The following USP6NL variants were observed in gnomAD, a reference collection of about 807,000 sequenced individuals.
USP6NL encodes the protein USP6 N-terminal like, also known as USP6 N-terminal-like protein.
A neutral mutation model predicts 61.9 loss-of-function variants in USP6NL; 26 were observed. The observed-to-expected ratio is 0.42, with a 90% CI of 0.31 to 0.58. The LOEUF is 0.58. Ranked by LOEUF, USP6NL falls within the 20% of genes least tolerant of loss-of-function variation. The probability of loss-of-function intolerance (pLI) is 0.16; values close to 1 mark genes in which losing one functional copy is unlikely to be tolerated. For synonymous variants in USP6NL, 432 were observed against 390.1 expected (o/e 1.11, Z -1.27); for missense variants, 1,114 against 1,034.3 (o/e 1.08, Z -1.06).
At chr10:11,581,347 C>G (rs568482754) in intron 2 of USP6NL, among the ~76,000 whole-genome samples, 1 of 152,304 alleles carries the variant, frequency 6.6e-6, no homozygotes, top group East Asian at 1.9e-4. Context: ...TATGTGTCAT[C>G]AACATCACTT....
chr10:11,597,852 A>T lies in USP6NL; in HGVS notation c.-83-135T>A. On this transcript the variant is annotated intron_variant, in intron 1 of 14. Coordinates refer to ENST00000609104, the MANE Select transcript of USP6NL (RefSeq NM_014688.5). The surrounding 1 kb of genome is among the most constrained non-coding windows in gnomAD (Gnocchi z 4.6). ...AAAGAACTCTTGTGATCACCTATTA[A>T]ATATAAAAGATTATTAATCAACTTT... The T allele has an allele frequency of 1.9e-6, 1 of 518,746 alleles. No homozygotes were observed. The highest frequency in any genetic ancestry group is 3.4e-5 in the Admixed American group (1 of 29,222). The allele number at this position is 518,746 out of a possible 1,614,324, so 32.1% of individuals were successfully genotyped here. A position where few individuals can be genotyped will look rare whatever the true frequency, so the allele number is the denominator to read the frequency against.
In USP6NL at chr10:11,460,888, G is replaced by A. The variant is rs1189496903; in HGVS notation, c.*1553C>T. The A allele has an allele frequency of 6.6e-6, 1 of 152,138 alleles. No individual in the cohort carries two copies. The highest frequency in any genetic ancestry group is 2.4e-5 in the African/African-American group (1 of 41,400). The allele number at this position is 152,138 out of a possible 1,614,324, so 9.4% of individuals were successfully genotyped here. A position where few individuals can be genotyped will look rare whatever the true frequency, so the allele number is the denominator to read the frequency against. On this transcript the variant is annotated 3_prime_UTR_variant, in exon 15 of 15. Transcript: ENST00000609104. ...AATTTTGTTTGCGTTTCAATGTAGT[G>A]TTTAGCTTTAATACACTGCACTTGT...
Position 11,489,067 on chromosome 10 carries a change from C to T in USP6NL, c.664+35G>A. On this transcript the variant is annotated intron_variant, in intron 10 of 14. Transcript: ENST00000609104. The surrounding 1 kb of genome is among the most constrained non-coding windows in gnomAD (Gnocchi z 5.7). ...TGTTTTAATCTACTTTTTTCCCTAC[C>T]TTGATTGTTTAGATAAAGCACAGGG... The T allele has an allele frequency of 6.2e-7, 1 of 1,604,142 alleles. No individual in the cohort carries two copies. The highest frequency in any genetic ancestry group is 1.1e-5 in the South Asian group (1 of 89,356).
chr10:11,604,949 A>T (rs1371517556), intron 1 of USP6NL, among the ~76,000 whole-genome samples: 2 of 152,222 alleles, frequency 1.3e-5, no homozygotes, highest in South Asian at 4.1e-4. Flanking sequence ...GTGAAACTGC[A>T]GATAAGGAGG....
intron 2 of USP6NL, among the ~76,000 whole-genome samples, chr10:11,569,607 A>G (rs1052156777): frequency 1.1e-4 from 16 of 152,184 alleles, no homozygotes; most frequent in Admixed American, 9.2e-4. Context: ...TGGAACCCGA[A>G]GGCTGATCGA....
intron 1 of USP6NL, among the ~76,000 whole-genome samples, chr10:11,609,300 C>T (rs936389469): frequency 2.6e-5 from 4 of 152,132 alleles, no homozygotes; most frequent in African/African-American, 9.7e-5. Flanking sequence ...CCCCTGACCT[C>T]AAATGATTCA....
chr10:11,514,870 A>G (rs149346278), intron 5 of USP6NL, among the ~76,000 whole-genome samples: 69 of 152,312 alleles, frequency 4.5e-4, no homozygotes, highest in African/African-American at 1.6e-3. Context: ...AAAGGCCATC[A>G]TCTCCACCTC....
At position 11,470,094 on chromosome 10, in the gene USP6NL, A is replaced by G. The variant is rs1832669329; in HGVS notation, c.1079-6245T>C. Among the ~76,000 whole-genome samples the G allele has an allele frequency of 6.6e-6, 1 of 152,136 alleles. No individual in the cohort carries two copies. The highest frequency in any genetic ancestry group is 2.4e-5 in the African/African-American group (1 of 41,416). ...TGGAGGTAGTAACGCTGTGCCTCTC[A>G]TGAGGAGGAGAAGCAAGAAGGGGCG... On this transcript the variant is annotated intron_variant, in intron 14 of 14. Transcript: ENST00000609104. This position sits in a 1 kb window ranked among gnomAD's most constrained non-coding sequence, Gnocchi z 5.4.
rs1268243654 is a variant in USP6NL, at chr10:11,527,497, T to C, written c.72+3A>G. The C allele has an allele frequency of 6.2e-7, 1 of 1,600,534 alleles. No individual in the cohort carries two copies. Among genetic ancestry groups the C allele is most frequent in the Admixed American group, 1.7e-5 (1 of 58,386 alleles). On this transcript the variant is annotated splice_donor_region_variant and intron_variant, in intron 3 of 14. Coordinates refer to ENST00000609104, the MANE Select transcript of USP6NL (RefSeq NM_014688.5). ...ACCCAAAGTGTTAAATATGGATACT[T>C]ACTCTGTCATATTTAGCAACTATTT...
intron 1 of USP6NL, among the ~76,000 whole-genome samples, chr10:11,605,882 G>A (rs953277779): frequency 2.6e-5 from 4 of 152,122 alleles, no homozygotes; most frequent in African/African-American, 9.7e-5. Flanking sequence ...GAGGATTCAG[G>A]GAGAAAATCT....
intron 14 of USP6NL, among the ~76,000 whole-genome samples, chr10:11,466,799 C>G (rs1037854038): frequency 6.6e-6 from 1 of 152,190 alleles, no homozygotes; most frequent in African/African-American, 2.4e-5. Context: ...CAAACACATA[C>G]AGCATGTTAC....
In USP6NL at chr10:11,463,426, T is replaced by C. The variant is rs747886373; in HGVS notation, c.1502A>G (p.Lys501Arg). 35 of 1,614,040 alleles carry C rather than the reference T, an allele frequency of 2.2e-5. No individual in the cohort carries two copies. The highest frequency in any genetic ancestry group is 3.0e-5 in the Non-Finnish European group (35 of 1,179,890). ...TCGACCTTTGCCTTCCATGGTGTAT[T>C]TGGCAGTTCTCTCTGTAGCTGAGAC... ...SDVSATERTA[K>R]YTMEGKGRAA... Residue 501 changes from lysine (K) to arginine (R), a missense_variant, in exon 15 of 15, where the codon AAA becomes AGA. Coordinates refer to ENST00000609104, the MANE Select transcript of USP6NL (RefSeq NM_014688.5). The surrounding 1 kb of genome is among the most constrained non-coding windows in gnomAD (Gnocchi z 6.3).
rs1425167938 is a variant in USP6NL, at chr10:11,496,974, T to C, written c.385-3746A>G. Among the ~76,000 whole-genome samples the C allele has an allele frequency of 2.0e-5, 3 of 152,172 alleles. No individual in the cohort carries two copies. Among genetic ancestry groups the C allele is most frequent in the Admixed American group, 2.0e-4 (3 of 15,282 alleles). On this transcript the variant is annotated intron_variant, in intron 7 of 14. Coordinates refer to ENST00000609104, the MANE Select transcript of USP6NL (RefSeq NM_014688.5). The surrounding 1 kb of genome is among the most constrained non-coding windows in gnomAD (Gnocchi z 5.4). Reference sequence around the variant, plus strand: ...ACAGAGGAAGACATTTAGAGTATTGTATTAGATTCATATGGCCACTAAAAT... The same window carrying C: ...ACAGAGGAAGACATTTAGAGTATTGCATTAGATTCATATGGCCACTAAAAT...
chr10:11,580,342 C>T (rs1837709871), intron 2 of USP6NL, among the ~76,000 whole-genome samples: 1 of 152,030 alleles, frequency 6.6e-6, no homozygotes, highest in South Asian at 2.1e-4. Flanking sequence ...AAGCCTTAGC[C>T]TTTTGCATAC....
At chr10:11,488,532 A>G (rs1334251335) in intron 10 of USP6NL, among the ~76,000 whole-genome samples, 2 of 152,258 alleles carry the variant, frequency 1.3e-5, no homozygotes, top group Non-Finnish European at 1.5e-5. Context: ...GAGATATTAA[A>G]TAATCGAGTG....
At chr10:11,583,965 G>T (rs1352816026) in intron 2 of USP6NL, among the ~76,000 whole-genome samples, 1 of 152,142 alleles carries the variant, frequency 6.6e-6, no homozygotes, top group African/African-American at 2.4e-5. Flanking sequence ...GGAGTCAGAG[G>T]TTGCAGTGAG....
rs1835528579 is a variant in USP6NL at position 11,528,841 on chromosome 10, AG to A, written c.5-1275del. 6.6e-6 allele frequency among the ~76,000 whole-genome samples: 1 copy of A among 152,164 alleles called. No individual in the cohort carries two copies. The highest frequency in any genetic ancestry group is 1.5e-5 in the Non-Finnish European group (1 of 68,036). ...GGTTAAAAACAAGGGAGCTGAGTAAAGGAAGTCAAATCCCTGAAAGTTGAAG... is the reference window on the plus strand; with the variant it reads ...GGTTAAAAACAAGGGAGCTGAGTAAAGAAGTCAAATCCCTGAAAGTTGAAG... On this transcript the variant is annotated intron_variant, in intron 2 of 14. Transcript: ENST00000609104. The surrounding 1 kb of genome is among the most constrained non-coding windows in gnomAD (Gnocchi z 4.6).
chr10:11,518,444 A>G lies in USP6NL; in HGVS notation c.195+91T>C. The G allele has an allele frequency of 9.1e-7, 1 of 1,098,322 alleles. No homozygotes were observed. The highest frequency in any genetic ancestry group is 1.4e-6 in the Non-Finnish European group (1 of 717,590). The allele number at this position is 1,098,322 out of a possible 1,614,324, so 68.0% of individuals were successfully genotyped here. ...AATGACTGTACCATTCCCATATAAT[A>G]TGGCACTTAAAATCACAAAGGTGGT... On this transcript the variant is annotated intron_variant, in intron 5 of 14. Transcript: ENST00000609104. The surrounding 1 kb of genome is among the most constrained non-coding windows in gnomAD (Gnocchi z 5.3).
At chr10:11,519,370 C>A (rs920248499) in intron 4 of USP6NL, among the ~76,000 whole-genome samples, 1 of 152,212 alleles carries the variant, frequency 6.6e-6, no homozygotes, top group Admixed American at 6.5e-5. Flanking sequence ...TGGCTCACGC[C>A]TGTAATCCCA....
Sources: gnomAD v4.1 joint callset for allele counts (sites outside exome capture counted in the v4.1 genomes callset) on GRCh38, gnomAD v4.1.1 for gene constraint, Gnocchi (gnomAD v3.1) non-coding constraint, MANE v1.5 for transcripts, NCBI Gene and HGNC (gene_info 2026-07-23, HGNC 2026-07-21) for gene names.